The following CSPP1 variants were observed in gnomAD, a reference collection of about 807,000 sequenced individuals.
CSPP1 encodes centrosome and spindle pole associated protein 1, also known as centrosome and spindle pole-associated protein 1.
A neutral mutation model predicts 164.4 loss-of-function variants in CSPP1; 126 were observed. The ratio of observed to expected loss-of-function variants is 0.77; its 90% CI spans 0.66 to 0.89. CSPP1 has a LOEUF of 0.89. Ranked by LOEUF, CSPP1 falls within the 40% of genes least tolerant of loss-of-function variation. CSPP1 has a pLI of 0.00. For synonymous variants in CSPP1, 472 were observed against 476.7 expected (o/e 0.99, Z 0.13); for missense variants, 1,395 against 1,449.8 (o/e 0.96, Z 0.61).
chr8:67,077,673 A>G (rs1808248643), intron 3 of CSPP1, among the ~76,000 whole-genome samples: 1 of 152,210 alleles, frequency 6.6e-6, no homozygotes, highest in Non-Finnish European at 1.5e-5. Flanking sequence ...TTTGTGATTT[A>G]TTGATGATGA....
Position 67,159,116 on chromosome 8 carries a change from TTTGA to T in CSPP1, c.2521_2524del (p.Ile841GlyfsTer7), listed in dbSNP as rs755739341. On this transcript the variant is annotated frameshift_variant, in exon 21 of 31. Transcript: ENST00000678616. LOFTEE classifies it high-confidence loss of function. ...TTCAGCACTACTGTGAAAGAGACAA[TTTGA>T]TTGGGGAAGAAACAAAGGTAAGTTT... The T allele has an allele frequency of 2.6e-5, 42 of 1,599,630 alleles. No individual in the cohort carries two copies. The highest frequency in any genetic ancestry group is 3.2e-5 in the Non-Finnish European group (38 of 1,176,424).
At chr8:67,074,098 C>T (rs1377720677) in intron 1 of CSPP1, 145 bp from the exon 2 acceptor site, 2 of 501,882 alleles carry the variant, frequency 4.0e-6, no homozygotes, top group Non-Finnish European at 7.2e-6. Context: ...AGGCAGTAGG[C>T]AGGCATATTT....
At chr8:67,175,584 GAA>G (rs1831420607) in intron 26 of CSPP1, 148 bp downstream of exon 26, 2 of 878,948 alleles carry the variant, frequency 2.3e-6, no homozygotes, top group Non-Finnish European at 3.7e-6. Flanking sequence ...TGTAGTACCA[GAA>G]AAGAACAAGT....
At chr8:67,160,759 T>G (rs555118797) in intron 21 of CSPP1, among the ~76,000 whole-genome samples, 1 of 151,972 alleles carries the variant, frequency 6.6e-6, no homozygotes, top group South Asian at 2.1e-4. Flanking sequence ...TTTATTTAGT[T>G]AGCTTCTATC....
intron 16 of CSPP1, chr8:67,133,456 A>G (rs746570737): frequency 1.3e-5 from 2 of 152,250 alleles, no homozygotes; most frequent in African/African-American, 2.4e-5. Flanking sequence ...TCTTTACACT[A>G]TACTGTGGTC....
chr8:67,179,645 GA>G (rs1172051524), intron 27 of CSPP1, among the ~76,000 whole-genome samples: 4 of 152,192 alleles, frequency 2.6e-5, no homozygotes, highest in Non-Finnish European at 5.9e-5. Context: ...GTAGCCTGGA[GA>G]GAGACTGTCT....
intron 3 of CSPP1, among the ~76,000 whole-genome samples, chr8:67,082,110 C>T (rs1003130385): frequency 5.9e-5 from 9 of 152,110 alleles, no homozygotes; most frequent in East Asian, 1.9e-4. Context: ...TGCAGTGGCG[C>T]GATCTCGGCT....
intron 6 of CSPP1, among the ~76,000 whole-genome samples, chr8:67,095,039 T>C (rs1460788684): frequency 1.3e-5 from 2 of 152,226 alleles, no homozygotes; most frequent in African/African-American, 4.8e-5. Context: ...ATAGTAATGT[T>C]CCATTGCATG....
chr8:67,173,191 G>A (rs1830815906), intron 25 of CSPP1, among the ~76,000 whole-genome samples: 1 of 151,994 alleles, frequency 6.6e-6, no homozygotes, highest in Admixed American at 6.6e-5. Flanking sequence ...TGAACGTGAG[G>A]AGCTATGCAG....
intron 3 of CSPP1, among the ~76,000 whole-genome samples, chr8:67,084,608 G>A (rs1585926373): frequency 6.6e-6 from 1 of 152,016 alleles, no homozygotes; most frequent in East Asian, 1.9e-4. Context: ...GCGTGGTGGT[G>A]CATGCCTGTA....
chr8:67,193,672 T>C (rs1837057335), intron 30 of CSPP1, 70 bp downstream of exon 30: 5 of 1,343,752 alleles, frequency 3.7e-6, no homozygotes. Flanking sequence ...ACTCAAGGCT[T>C]TCACTAACGT....
chr8:67,166,002 A>G (rs1829240847), intron 24 of CSPP1, among the ~76,000 whole-genome samples: 1 of 152,158 alleles, frequency 6.6e-6, no homozygotes, highest in Non-Finnish European at 1.5e-5. Context: ...CATCTCATGT[A>G]TATTTATCAT....
chr8:67,189,625 G>C (rs1401397677), intron 28 of CSPP1, among the ~76,000 whole-genome samples: 1 of 152,216 alleles, frequency 6.6e-6, no homozygotes, highest in Middle Eastern at 3.4e-3. Context: ...TAAATTTTCT[G>C]AATGTTATAA....
intron 7 of CSPP1, among the ~76,000 whole-genome samples, chr8:67,097,639 A>G (rs946890747): frequency 6.6e-6 from 1 of 151,980 alleles, no homozygotes; most frequent in Admixed American, 6.6e-5. Context: ...GGGTGAATGT[A>G]ATGCATACCC....
At chr8:67,158,349 G>A (rs914864525) in intron 19 of CSPP1, 98 bp from the exon 20 acceptor site, 7 of 1,294,692 alleles carry the variant, frequency 5.4e-6, no homozygotes, top group East Asian at 2.6e-5. Flanking sequence ...CAAAAAGAGG[G>A]TACAAGTGTT....
intron 3 of CSPP1, chr8:67,083,548 A>AAAAAAAAAAAAAAATATATATATAT (rs1332248754): frequency 5.5e-5 from 5 of 91,482 alleles, no homozygotes; most frequent in African/African-American, 1.8e-4. Context: ...AAAAAAAAAA[A>AAAAAAAAAAAAAAATATATATATAT]ATATATATAT....
At chr8:67,138,029 C>T (rs887159198) in intron 17 of CSPP1, among the ~76,000 whole-genome samples, 2 of 152,130 alleles carry the variant, frequency 1.3e-5, no homozygotes, top group African/African-American at 4.8e-5. Flanking sequence ...TTTATCTATG[C>T]AATATACCTG....
At chr8:67,072,869 CAAA>C (rs58087584) in intron 1 of CSPP1, among the ~76,000 whole-genome samples, 6 of 59,280 alleles carry the variant, frequency 1.0e-4, no homozygotes, top group East Asian at 1.0e-3. Flanking sequence ...GAGCCTGTCT[CAAA>C]AAAAAAAAAA....
intron 28 of CSPP1, among the ~76,000 whole-genome samples, chr8:67,184,715 T>C (rs1165675542): frequency 6.9e-6 from 1 of 145,122 alleles, no homozygotes; most frequent in Non-Finnish European, 1.5e-5. Context: ...CAGAGTGAGA[T>C]TCTGTCTAAA....
Sources: gnomAD v4.1 joint callset for allele counts (sites outside exome capture counted in the v4.1 genomes callset) on GRCh38, gnomAD v4.1.1 for gene constraint, MANE v1.5 for transcripts, NCBI Gene and HGNC (gene_info 2026-07-23, HGNC 2026-07-21) for gene names.